The following SLC4A4 variants were observed in gnomAD, a reference collection of about 807,000 sequenced individuals.
SLC4A4 encodes electrogenic sodium bicarbonate cotransporter 1.
A neutral mutation model predicts 111.5 loss-of-function variants in SLC4A4; 27 were observed. The observed-to-expected ratio is 0.24, with a 90% CI of 0.18 to 0.33. SLC4A4 has a LOEUF of 0.33. Among genes scored for constraint, SLC4A4 ranks in the 10% least tolerant of loss-of-function variants. The probability of loss-of-function intolerance (pLI) is 1.00; values close to 1 mark genes in which losing one functional copy is unlikely to be tolerated. For synonymous variants in SLC4A4, 443 were observed against 463.4 expected (o/e 0.96, Z 0.57); for missense variants, 909 against 1,315.5 (o/e 0.69, Z 4.78).
At chr4:71,200,486 G>A (rs551293182) in intron 1 of SLC4A4, among the ~76,000 whole-genome samples, 5 of 152,236 alleles carry the variant, frequency 3.3e-5, no homozygotes, top group African/African-American at 7.2e-5. Context: ...GTGGTCTCAG[G>A]TCTGGAGACA....
At chr4:71,179,333 T>C (rs1267196028) in intron 2 of SLC4A4, among the ~76,000 whole-genome samples, 2 of 152,104 alleles carry the variant, frequency 1.3e-5, no homozygotes, top group East Asian at 3.9e-4. Flanking sequence ...CTATTCAACA[T>C]AGTGTTGGAA....
intron 4 of SLC4A4, among the ~76,000 whole-genome samples, chr4:71,339,824 A>G (rs975255961): frequency 6.6e-6 from 1 of 152,166 alleles, no homozygotes; most frequent in Non-Finnish European, 1.5e-5. Flanking sequence ...TAATAAACTC[A>G]GGTACCCAAA....
At position 71,524,175 on chromosome 4, in the gene SLC4A4, T is replaced by C. The variant is rs527843893; in HGVS notation, c.2167-7887T>C. 8.5e-5 allele frequency among the ~76,000 whole-genome samples: 13 copies of C among 152,270 alleles called. 1 individual carries two copies. The highest frequency in any genetic ancestry group is 2.9e-4 in the African/African-American group (12 of 41,554). On this transcript the variant is annotated intron_variant, in intron 16 of 25. Transcript: ENST00000264485. ...AGGCCTGCCATCATTTTTCTTGTGATGTGTTTTCTGTATTCCCAAATCCTC... is the reference window on the plus strand; with the variant it reads ...AGGCCTGCCATCATTTTTCTTGTGACGTGTTTTCTGTATTCCCAAATCCTC...
At chr4:71,522,781 A>G (rs1037806686) in intron 16 of SLC4A4, among the ~76,000 whole-genome samples, 1 of 152,222 alleles carries the variant, frequency 6.6e-6, no homozygotes, top group Non-Finnish European at 1.5e-5. Flanking sequence ...AAAATCACTA[A>G]ATTCCAGGTA....
chr4:71,522,390 C>T (rs937582012), intron 16 of SLC4A4, among the ~76,000 whole-genome samples: 36 of 152,278 alleles, frequency 2.4e-4, no homozygotes, highest in Admixed American at 1.7e-3. Flanking sequence ...GATGCCATCA[C>T]GCACCTTATG....
chr4:71,459,138 G>C (rs747254749), intron 12 of SLC4A4, among the ~76,000 whole-genome samples: 38 of 151,984 alleles, frequency 2.5e-4, no homozygotes, highest in Non-Finnish European at 5.3e-4. Flanking sequence ...TTGAGGTTAA[G>C]TAATGTGTAT....
At chr4:71,561,160 T>C (rs1736944763) in intron 23 of SLC4A4, among the ~76,000 whole-genome samples, 1 of 151,820 alleles carries the variant, frequency 6.6e-6, no homozygotes, top group African/African-American at 2.4e-5. Context: ...TATTGTTAAT[T>C]GTTAGTTTCT....
intron 1 of SLC4A4, among the ~76,000 whole-genome samples, chr4:71,193,718 C>T (rs1174734585): frequency 6.6e-6 from 1 of 152,100 alleles, no homozygotes; most frequent in East Asian, 1.9e-4. Context: ...TGATTATTGT[C>T]TACACTTTTT....
chr4:71,306,335 C>A lies in SLC4A4; in HGVS notation c.254-33035C>A, dbSNP rs142931225. ...CGGTGGCTCACACCTGTAATCCCAGCACTTTGGGAGGCTGAGGCGGGTGGA... is the reference window on the plus strand; with the variant it reads ...CGGTGGCTCACACCTGTAATCCCAGAACTTTGGGAGGCTGAGGCGGGTGGA... On this transcript the variant is annotated intron_variant, in intron 3 of 25. Transcript: ENST00000264485. 1.6e-4 allele frequency among the ~76,000 whole-genome samples: 24 copies of A among 152,318 alleles called. No homozygotes were observed. In the East Asian group the frequency reaches 4.4e-3, roughly 28 times the overall value.
At chr4:71,191,727 C>A (rs1318583824) in intron 1 of SLC4A4, among the ~76,000 whole-genome samples, 1 of 152,088 alleles carries the variant, frequency 6.6e-6, no homozygotes, top group Non-Finnish European at 1.5e-5. Flanking sequence ...GTTTTAGCTA[C>A]CATCTTGAGA....
Position 71,149,712 on chromosome 4 carries a change from G to A in SLC4A4, c.-2+56920G>A, listed in dbSNP as rs193067005. Reference sequence around the variant, plus strand: ...GCCATGTTTTCCTTTTACCTTCTGAGGCTTTACTTGAAACCAGTTTTGTCA... The same window carrying A: ...GCCATGTTTTCCTTTTACCTTCTGAAGCTTTACTTGAAACCAGTTTTGTCA... On this transcript the variant is annotated intron_variant, in intron 2 of 26. Transcript: ENST00000649996. 7.2e-3 allele frequency among the ~76,000 whole-genome samples: 1,096 copies of A among 152,256 alleles called. 10 individuals carry two copies. The highest frequency in any genetic ancestry group is 0.015 in the South Asian group (71 of 4,828).
At chr4:71,343,789 T>A (rs1729085194) in intron 4 of SLC4A4, among the ~76,000 whole-genome samples, 1 of 152,170 alleles carries the variant, frequency 6.6e-6, no homozygotes, top group African/African-American at 2.4e-5. Context: ...TCTGCCATCA[T>A]CTCTTTGACC....
chr4:71,231,283 T>C (rs1009728088), intron 1 of SLC4A4, among the ~76,000 whole-genome samples: 1 of 152,144 alleles, frequency 6.6e-6, no homozygotes. Flanking sequence ...GGTGAGCACG[T>C]TGGCAGTTGG....
chr4:71,473,158 G>C lies in SLC4A4; in HGVS notation c.1903+188G>C, dbSNP rs878906881. 3 of 724,890 alleles carry C rather than the reference G, an allele frequency of 4.1e-6. No individual in the cohort carries two copies. The South Asian group carries it at 4.4e-5, about 11-fold the overall frequency. 44.9% of individuals were successfully genotyped at this position (724,890 alleles called of 1,614,324 possible). A position where few individuals can be genotyped will look rare whatever the true frequency, so the allele number is the denominator to read the frequency against. ...TATTTTAGCTGTATGATTCAACCAGGAAGGAGACCAGGAGCTCTGGAATGT... is the reference window on the plus strand; with the variant it reads ...TATTTTAGCTGTATGATTCAACCAGCAAGGAGACCAGGAGCTCTGGAATGT... On this transcript the variant is annotated intron_variant, in intron 14 of 25. Coordinates refer to ENST00000264485, the MANE Select transcript of SLC4A4 (RefSeq NM_001098484.3).
chr4:71,260,876 G>T (rs1721807612), intron 3 of SLC4A4, among the ~76,000 whole-genome samples: 1 of 152,180 alleles, frequency 6.6e-6, no homozygotes, highest in Admixed American at 6.5e-5. Context: ...CATGTAGTCA[G>T]CAATAATGGT....
intron 1 of SLC4A4, among the ~76,000 whole-genome samples, chr4:71,071,752 T>C (rs922643408): frequency 2.0e-5 from 3 of 152,318 alleles, no homozygotes; most frequent in Admixed American, 6.5e-5. Context: ...TTGATACATA[T>C]AGATTTGCCT....
At chr4:71,109,441 AC>A (rs1002650610) in intron 2 of SLC4A4, among the ~76,000 whole-genome samples, 1 of 152,152 alleles carries the variant, frequency 6.6e-6, no homozygotes, top group African/African-American at 2.4e-5. Context: ...AATAATGGCC[AC>A]TGCCTCCCTG....
chr4:71,188,548 A>AC (rs1195452865), intron 1 of SLC4A4, among the ~76,000 whole-genome samples: 3 of 152,136 alleles, frequency 2.0e-5, no homozygotes, highest in African/African-American at 7.2e-5. Context: ...TTCCTAAGAG[A>AC]CACTGTGTTG....
At chr4:71,484,991 A>G (rs1032751343) in intron 14 of SLC4A4, among the ~76,000 whole-genome samples, 47 of 151,748 alleles carry the variant, frequency 3.1e-4, no homozygotes, top group African/African-American at 1.1e-3. Context: ...TTGGTTTTGT[A>G]TCCTGGGACT....
Sources: gnomAD v4.1 joint callset for allele counts (sites outside exome capture counted in the v4.1 genomes callset) on GRCh38, gnomAD v4.1.1 for gene constraint, MANE v1.5 for transcripts, NCBI Gene and HGNC (gene_info 2026-07-23, HGNC 2026-07-21) for gene names.